The following TRMT11 variants were observed in gnomAD, a reference collection of about 807,000 sequenced individuals.
The protein encoded by TRMT11 is tRNA (guanine(10)-N(2))-methyltransferase TRMT11.
Under a neutral mutation model 62.8 loss-of-function variants are expected in TRMT11, and 53 were observed. That is an observed-to-expected ratio of 0.84 (90% CI 0.68 to 1.06). The LOEUF is 1.06. Ranked by LOEUF, TRMT11 falls within the 50% of genes least tolerant of loss-of-function variation. The pLI is 0.00. For synonymous variants in TRMT11, 188 were observed against 190.3 expected (o/e 0.99, Z 0.10); for missense variants, 556 against 553.4 (o/e 1.00, Z -0.05).
chr6:126,089,716 T>C lies in TRMT11; in HGVS notation c.*1438-23150T>C, dbSNP rs146423102. ...AAATAAATGGTAGAGGTTTTCTTCTTAATTTAAGTTCAACTGTAAGTCATT... is the reference window on the plus strand; with the variant it reads ...AAATAAATGGTAGAGGTTTTCTTCTCAATTTAAGTTCAACTGTAAGTCATT... On this transcript the variant is annotated intron_variant and NMD_transcript_variant, in intron 17 of 22. Coordinates refer to the TRMT11 transcript ENST00000648977. Among the ~76,000 whole-genome samples, 15 of 152,352 alleles carry C rather than the reference T, an allele frequency of 9.8e-5. No individual in the cohort carries two copies. In the South Asian group the frequency reaches 1.0e-3, roughly 11 times the overall value.
At chr6:126,172,827 A>G (rs113963950), upstream of TRMT11, among the ~76,000 whole-genome samples, 349 of 152,340 alleles carry the variant, frequency 2.3e-3, 1 homozygote, top group African/African-American at 8.0e-3. Flanking sequence ...GATACATGCA[A>G]GATCAGAGAA....
chr6:126,065,210 A>T (rs1209651966), intron 17 of TRMT11, among the ~76,000 whole-genome samples: 2 of 152,094 alleles, frequency 1.3e-5, no homozygotes, highest in Non-Finnish European at 2.9e-5. Context: ...CTACCTACTA[A>T]AAAGGGAATA....
chr6:126,033,790 AAAG>A (rs1222870177), intron 12 of TRMT11, among the ~76,000 whole-genome samples: 1 of 152,150 alleles, frequency 6.6e-6, no homozygotes, highest in African/African-American at 2.4e-5. Flanking sequence ...GAAGTACTCT[AAAG>A]AAGGATTGCT....
chr6:126,258,858 C>T, the TRMT11 span, among the ~76,000 whole-genome samples: 4 of 151,934 alleles, frequency 2.6e-5, no homozygotes, highest in South Asian at 6.2e-4. Context: ...CAGGAGTACA[C>T]GTGCAGGTTT....
Position 126,168,875 on chromosome 6 carries a change from A to C in TRMT11, c.*1824-5950A>C, listed in dbSNP as rs534257025. 3.9e-5 allele frequency among the ~76,000 whole-genome samples: 6 copies of C among 152,292 alleles called. No homozygotes were observed. In the South Asian group the frequency reaches 1.2e-3, roughly 32 times the overall value. ...TGTGCTTTATTTTATGGGTGAGTCT[A>C]CTTGTGGTGGATCCACTTGTCTCAT... On this transcript the variant is annotated intron_variant and NMD_transcript_variant, in intron 21 of 22. Coordinates refer to the TRMT11 transcript ENST00000648977.
chr6:126,116,233 G>A (rs1777585680), intron 21 of TRMT11, among the ~76,000 whole-genome samples: 1 of 151,984 alleles, frequency 6.6e-6, no homozygotes, highest in African/African-American at 2.4e-5. Context: ...CAATGGGAGT[G>A]TGCTGGAAGT....
At chr6:126,082,460 G>T (rs1188850398) in intron 17 of TRMT11, among the ~76,000 whole-genome samples, 1 of 151,938 alleles carries the variant, frequency 6.6e-6, no homozygotes, top group Non-Finnish European at 1.5e-5. Flanking sequence ...TTCTCTTGTT[G>T]GAAGACTTGG....
At chr6:126,096,330 G>A (rs906480205) in intron 17 of TRMT11, among the ~76,000 whole-genome samples, 1 of 151,978 alleles carries the variant, frequency 6.6e-6, no homozygotes. Context: ...ATCAGCTATG[G>A]GTATCTCCAG....
the TRMT11 span, among the ~76,000 whole-genome samples, chr6:126,266,769 T>G: frequency 1.3e-5 from 2 of 152,310 alleles, no homozygotes; most frequent in East Asian, 3.9e-4. Flanking sequence ...ATTTCAACAT[T>G]TTTTCCTGGC....
intron 2 of TRMT11, among the ~76,000 whole-genome samples, chr6:126,199,523 C>T (rs185771174): frequency 1.4e-3 from 208 of 152,290 alleles, no homozygotes; most frequent in African/African-American, 4.7e-3. Context: ...TCATCCAGGG[C>T]TCTTGAAGTC....
Position 125,998,223 on chromosome 6 carries a change from G to A in TRMT11, c.295G>A (p.Val99Ile), listed in dbSNP as rs766815051. The A allele has an allele frequency of 6.3e-7, 1 of 1,599,208 alleles. No individual in the cohort carries two copies. The highest frequency in any genetic ancestry group is 1.1e-5 in the South Asian group (1 of 90,540). ...AAAAACTGATTTCCTTTTATTTTAG[G>A]TTCCATTTCTACATTCGGACTCTAC... ...SLKNYPVEKM[V>I]PFLHSDSTYK... is the part of the protein sequence containing the mutation. The change falls in exon 5 of 13, where the codon GTT becomes ATT. Residue 99 changes from valine to isoleucine, a missense_variant and splice_region_variant. Val to Ile is a conservative substitution (Grantham distance 29). Coordinates refer to ENST00000334379, the MANE Select transcript of TRMT11 (RefSeq NM_001031712.3).
intron 3 of TRMT11, among the ~76,000 whole-genome samples, chr6:126,200,280 G>A (rs763057368): frequency 2.0e-5 from 3 of 152,208 alleles, no homozygotes; most frequent in Non-Finnish European, 4.4e-5. Context: ...GCTCCTGGAA[G>A]CTTGAAGAAA....
chr6:126,045,562 A>G (rs530835958), intron 16 of TRMT11, among the ~76,000 whole-genome samples: 152 of 152,336 alleles, frequency 1.0e-3, no homozygotes, highest in Admixed American at 3.5e-3. Context: ...GCCAAGTATC[A>G]GAAAGTAGGT....
the TRMT11 span, among the ~76,000 whole-genome samples, chr6:126,228,305 C>G: frequency 1.3e-5 from 2 of 152,196 alleles, no homozygotes; most frequent in Non-Finnish European, 2.9e-5. Context: ...AGTCCAGTGT[C>G]AGGGACAGAT....
chr6:126,218,347 G>A, the TRMT11 span, among the ~76,000 whole-genome samples: 5 of 152,230 alleles, frequency 3.3e-5, no homozygotes, highest in African/African-American at 1.2e-4. Context: ...AAGCCAGCAT[G>A]TCTCAGAGTC....
intron 17 of TRMT11, among the ~76,000 whole-genome samples, chr6:126,095,585 C>G (rs1176638771): frequency 6.6e-6 from 1 of 152,124 alleles, no homozygotes; most frequent in Non-Finnish European, 1.5e-5. Context: ...CTTGAGTCTG[C>G]CAAATGCTAG....
At chr6:126,228,132 C>T in the TRMT11 span, among the ~76,000 whole-genome samples, 2 of 152,200 alleles carry the variant, frequency 1.3e-5, no homozygotes, top group African/African-American at 4.8e-5. Flanking sequence ...CTGTGAGGCC[C>T]AGCTCTGGGG....
At chr6:126,128,165 C>T (rs1777739496) in intron 21 of TRMT11, among the ~76,000 whole-genome samples, 1 of 152,074 alleles carries the variant, frequency 6.6e-6, no homozygotes, top group Non-Finnish European at 1.5e-5. Context: ...TGTTGGAATA[C>T]ATGTGGCTGC....
intron 16 of TRMT11, among the ~76,000 whole-genome samples, chr6:126,046,877 A>G (rs942604327): frequency 1.4e-4 from 21 of 152,312 alleles, no homozygotes; most frequent in Admixed American, 7.2e-4. Context: ...TTTCTGCCCT[A>G]TAAGTGCTAG....
Sources: allele counts gnomAD v4.1 joint callset (sites outside exome capture counted in the v4.1 genomes callset), GRCh38; gene constraint gnomAD v4.1.1; transcripts MANE v1.5; gene names NCBI Gene and HGNC (gene_info 2026-07-23, HGNC 2026-07-21).